Variants in PATL2 observed in about 807,000 individuals in gnomAD.
The protein encoded by PATL2 is protein PAT1 homolog 2.
A neutral mutation model predicts 77.0 loss-of-function variants in PATL2; 73 were observed. That is an observed-to-expected ratio of 0.95 (90% CI 0.78 to 1.15). The LOEUF is 1.15. Among genes scored for constraint, PATL2 ranks in the 50% most tolerant of loss-of-function variants. The pLI is 0.00. For synonymous variants in PATL2, 265 were observed against 257.1 expected, an observed-to-expected ratio of 1.03 and a Z score of -0.29; for missense variants, 618 against 655.4, an observed-to-expected ratio of 0.94 and a Z score of 0.62.
At chr15:44,697,604 C>T (rs1177972841) in intron 3 of PATL2, among the ~76,000 whole-genome samples, 1 of 152,026 alleles carries the variant, frequency 6.6e-6, no homozygotes, top group Non-Finnish European at 1.5e-5. Flanking sequence ...TATCTTGGTG[C>T]TGGTTGCTCT....
In PATL2 at chr15:44,669,416, G is replaced by A. The variant is rs1250735363; in HGVS notation, c.931-3C>T. On this transcript the variant is annotated splice_region_variant and splice_polypyrimidine_tract_variant and intron_variant, in intron 12 of 17. Transcript: ENST00000682850. Reference sequence around the variant, plus strand: ...ATTTCTAGTAACTGAAGGAACATCTGGGAATTTGAGGGTGGAAAAAAGAGG... The same window carrying A: ...ATTTCTAGTAACTGAAGGAACATCTAGGAATTTGAGGGTGGAAAAAAGAGG... The A allele has an allele frequency of 2.3e-5, 35 of 1,548,644 alleles. No homozygotes were observed. Among genetic ancestry groups the A allele is most frequent in the Non-Finnish European group, 2.8e-5 (32 of 1,144,564 alleles).
chr15:44,666,599 G>T, intron 16 of PATL2, 58 bp from the exon 17 acceptor site: 1 of 1,437,410 alleles, frequency 7.0e-7, no homozygotes, highest in Non-Finnish European at 9.2e-7. Flanking sequence ...CAGACTCAGG[G>T]CCAAGGTTTC....
chr15:44,673,469 T>TC, intron 6 of PATL2, 92 bp from the exon 7 acceptor site: 1 of 1,465,928 alleles, frequency 6.8e-7, no homozygotes, highest in East Asian at 2.5e-5. Flanking sequence ...TCCTACCTTT[T>TC]CCCCTCAAGA....
chr15:44,674,115 C>A, intron 6 of PATL2, 35 bp downstream of exon 6: 2 of 1,506,694 alleles, frequency 1.3e-6, no homozygotes, highest in South Asian at 1.2e-5. Context: ...ATGGAATCCT[C>A]ACTACCCACA....
intron 3 of PATL2, among the ~76,000 whole-genome samples, chr15:44,706,492 A>G (rs1008465741): frequency 6.6e-6 from 1 of 152,228 alleles, no homozygotes; most frequent in African/African-American, 2.4e-5. Context: ...ACTGCTGACA[A>G]CTTAACACTG....
At chr15:44,675,358 A>T in intron 5 of PATL2, 128 bp downstream of exon 5, 2 of 1,116,134 alleles carry the variant, frequency 1.8e-6, no homozygotes, top group Non-Finnish European at 2.5e-6. Context: ...TTCAAGGCTT[A>T]AAAAGAAAGT....
At chr15:44,666,782 A>G (rs1320111347) in intron 16 of PATL2, 1 of 528,118 alleles carries the variant, frequency 1.9e-6, no homozygotes, top group Admixed American at 3.7e-5. Context: ...GTTTGTAGAT[A>G]AAGAAACAAA....
At chr15:44,708,293 C>T (rs747917848) in intron 3 of PATL2, among the ~76,000 whole-genome samples, 2 of 152,118 alleles carry the variant, frequency 1.3e-5, no homozygotes, top group Non-Finnish European at 2.9e-5. Context: ...TTAGTGGAGG[C>T]GTCTATTCAG....
chr15:44,669,914 A>C (rs924676349), intron 10 of PATL2, 40 bp from the exon 11 acceptor site: 11 of 1,549,780 alleles, frequency 7.1e-6, no homozygotes, highest in Non-Finnish European at 8.7e-6. Flanking sequence ...CCCCTCCCAC[A>C]CTCTGTCCAC....
chr15:44,691,693 A>C (rs1300747453), intron 3 of PATL2, among the ~76,000 whole-genome samples: 2 of 151,816 alleles, frequency 1.3e-5, no homozygotes, highest in Non-Finnish European at 2.9e-5. Flanking sequence ...AAATTTAAAA[A>C]TAATATAAAG....
chr15:44,677,579 T>A (rs1214705195), intron 3 of PATL2, among the ~76,000 whole-genome samples: 1 of 152,122 alleles, frequency 6.6e-6, no homozygotes, highest in Admixed American at 6.5e-5. Flanking sequence ...CCAAGTCTCA[T>A]CTAACCCTCA....
chr15:44,680,667 G>A (rs139113889), intron 3 of PATL2, among the ~76,000 whole-genome samples: 24 of 152,232 alleles, frequency 1.6e-4, no homozygotes, highest in Non-Finnish European at 3.4e-4. Context: ...ACAAATCCCT[G>A]TCTTGTTTTT....
At chr15:44,677,782 T>C (rs2086021808) in intron 3 of PATL2, among the ~76,000 whole-genome samples, 1 of 152,258 alleles carries the variant, frequency 6.6e-6, no homozygotes, top group African/African-American at 2.4e-5. Context: ...GAAGTTTTAC[T>C]GCAGGTCATA....
chr15:44,670,590 C>T (rs1031516748), intron 9 of PATL2, among the ~76,000 whole-genome samples: 2 of 152,196 alleles, frequency 1.3e-5, no homozygotes, highest in African/African-American at 4.8e-5. Flanking sequence ...GTCTTAAGCA[C>T]CCTGGGCCCC....
intron 3 of PATL2, among the ~76,000 whole-genome samples, chr15:44,690,049 C>T (rs1275396140): frequency 6.6e-6 from 1 of 151,994 alleles, no homozygotes; most frequent in South Asian, 2.1e-4. Flanking sequence ...ATTAGCCAGG[C>T]ATGGTGGCAC....
chr15:44,674,357 A>G lies in PATL2; in HGVS notation c.223-127T>C, dbSNP rs1477303657. On this transcript the variant is annotated intron_variant, in intron 5 of 17. Coordinates refer to ENST00000682850, the MANE Select transcript of PATL2 (RefSeq NM_001387263.1). ...GTGTTCCAACATCCAGGGCAGTGGC[A>G]GCTTGGCCCTCCCTCAGATTCAAAG... The G allele has an allele frequency of 7.3e-6, 5 of 688,648 alleles. No individual in the cohort carries two copies. The East Asian group carries it at 1.1e-4, about 15-fold the overall frequency. 42.7% of individuals were successfully genotyped at this position (688,648 alleles called of 1,614,324 possible). A position where few individuals can be genotyped will look rare whatever the true frequency, so the allele number is the denominator to read the frequency against.
At chr15:44,703,832 A>G (rs2086680236) in intron 3 of PATL2, among the ~76,000 whole-genome samples, 1 of 145,914 alleles carries the variant, frequency 6.9e-6, no homozygotes, top group East Asian at 2.0e-4. Context: ...ATAAGTAAGG[A>G]CTTACTCTTG....
At chr15:44,684,695 T>C (rs1319214910) in intron 3 of PATL2, among the ~76,000 whole-genome samples, 1 of 152,124 alleles carries the variant, frequency 6.6e-6, no homozygotes, top group Non-Finnish European at 1.5e-5. Context: ...CCAGGAGAAC[T>C]TCCCCAACCT....
chr15:44,674,699 C>A (rs1482090207), intron 5 of PATL2: 2 of 152,174 alleles, frequency 1.3e-5, no homozygotes, highest in East Asian at 3.8e-4. Flanking sequence ...TTCTAAGTAG[C>A]TGAGACTACA....
Sources: gnomAD v4.1 joint callset for allele counts (sites outside exome capture counted in the v4.1 genomes callset) on GRCh38, gnomAD v4.1.1 for gene constraint, MANE v1.5 for transcripts, NCBI Gene and HGNC (gene_info 2026-07-23, HGNC 2026-07-21) for gene names.